The following RPH3A variants were observed in gnomAD, a reference collection of about 807,000 sequenced individuals.
RPH3A encodes rabphilin-3A.
A neutral mutation model predicts 102.2 loss-of-function variants in RPH3A; 48 were observed. The observed-to-expected ratio is 0.47, with a 90% CI of 0.37 to 0.60. RPH3A has a LOEUF of 0.60. Among genes scored for constraint, RPH3A ranks in the 20% least tolerant of loss-of-function variants. RPH3A has a pLI of 0.00. For missense variants in RPH3A, 781 were observed against 910.1 expected (o/e 0.86, Z 1.83); for synonymous variants, 310 against 324.3 (o/e 0.96, Z 0.47).
upstream of RPH3A, among the ~76,000 whole-genome samples, chr12:112,788,439 T>A (rs2136082019): frequency 6.6e-6 from 1 of 152,268 alleles, no homozygotes; most frequent in African/African-American, 2.4e-5. Flanking sequence ...GACAGGGTCA[T>A]GAAAACACAG....
intron 2 of RPH3A, among the ~76,000 whole-genome samples, chr12:112,813,946 T>TTG (rs112069714): frequency 0.16 from 24,289 of 148,590 alleles, 2,636 homozygotes; most frequent in African/African-American, 0.32. Context: ...GTTTGTATGA[T>TTG]TGTGTGTGTG....
At chr12:112,880,584 T>C (rs912682785) in intron 14 of RPH3A, among the ~76,000 whole-genome samples, 3 of 152,060 alleles carry the variant, frequency 2.0e-5, no homozygotes, top group Non-Finnish European at 4.4e-5. Context: ...GCCAGCCCCA[T>C]TGAACAAGTG....
intron 1 of RPH3A, among the ~76,000 whole-genome samples, chr12:112,668,982 A>T (rs761223955): frequency 3.9e-5 from 6 of 152,214 alleles, no homozygotes; most frequent in Non-Finnish European, 8.8e-5. Flanking sequence ...CTACAGCTTC[A>T]TGAGCAATGA....
chr12:112,595,996 A>G (rs747410383), intron 1 of RPH3A, among the ~76,000 whole-genome samples: 8 of 152,184 alleles, frequency 5.3e-5, no homozygotes, highest in Non-Finnish European at 1.2e-4. Flanking sequence ...TCCATAGACC[A>G]TGACACATCT....
At chr12:112,814,972 G>A (rs1593034097) in intron 2 of RPH3A, among the ~76,000 whole-genome samples, 2 of 152,176 alleles carry the variant, frequency 1.3e-5, no homozygotes, top group South Asian at 2.1e-4. Flanking sequence ...AGTCCTTAAC[G>A]TCTCTAGGCT....
chr12:112,618,603 CAT>C (rs1185108648), intron 1 of RPH3A, among the ~76,000 whole-genome samples: 1 of 152,184 alleles, frequency 6.6e-6, no homozygotes, highest in African/African-American at 2.4e-5. Flanking sequence ...CGTAGAGACT[CAT>C]ACATGTAATT....
chr12:112,891,326 C>T (rs950731031), intron 19 of RPH3A: 2 of 278,208 alleles, frequency 7.2e-6, no homozygotes, highest in Non-Finnish European at 6.9e-6. Context: ...GCACACCCCT[C>T]GGACCGCTCA....
At chr12:112,696,835 G>C (rs1348646025) in intron 1 of RPH3A, among the ~76,000 whole-genome samples, 8 of 151,928 alleles carry the variant, frequency 5.3e-5, no homozygotes, top group Admixed American at 5.2e-4. Flanking sequence ...CAAATAATTT[G>C]CCTAGGAGAT....
chr12:112,766,190 G>T (rs115315156), intron 1 of RPH3A, among the ~76,000 whole-genome samples: 2 of 152,122 alleles, frequency 1.3e-5, no homozygotes, highest in East Asian at 3.8e-4. Context: ...CCACTTCCTA[G>T]CTGTGTGAAG....
Position 112,834,381 on chromosome 12 carries a change from G to A in RPH3A, c.72-2110G>A, listed in dbSNP as rs57244919. On this transcript the variant is annotated intron_variant, in intron 3 of 21. Coordinates refer to ENST00000389385, the MANE Select transcript of RPH3A (RefSeq NM_001143854.2). ...CCACAGTTCATTTACTCATTTATCC[G>A]TTGATGGACCATGGGTTTGGGCTAG... Among the ~76,000 whole-genome samples the A allele has an allele frequency of 3.2e-4, 48 of 152,218 alleles. 1 individual carries two copies. The East Asian group carries it at 6.4e-3, about 20-fold the overall frequency.
intron 1 of RPH3A, among the ~76,000 whole-genome samples, chr12:112,724,823 G>A (rs1027437499): frequency 2.6e-5 from 4 of 152,082 alleles, no homozygotes; most frequent in African/African-American, 9.7e-5. Flanking sequence ...ACAAAAATTA[G>A]CCAGGCGTGG....
chr12:112,642,236 AT>A (rs1418910368), intron 1 of RPH3A, among the ~76,000 whole-genome samples: 1 of 152,160 alleles, frequency 6.6e-6, no homozygotes, highest in South Asian at 2.1e-4. Context: ...CATGTTTACT[AT>A]TTTTTCCAAT....
At chr12:112,614,067 A>G (rs2039659016) in intron 1 of RPH3A, among the ~76,000 whole-genome samples, 1 of 152,208 alleles carries the variant, frequency 6.6e-6, no homozygotes, top group South Asian at 2.1e-4. Context: ...AACCACTACA[A>G]GCTGAAAAAG....
intron 1 of RPH3A, among the ~76,000 whole-genome samples, chr12:112,619,139 A>G (rs2039702351): frequency 6.6e-6 from 1 of 152,072 alleles, no homozygotes; most frequent in Admixed American, 6.6e-5. Context: ...CTTTTTGGCT[A>G]TTATAAATAA....
intron 1 of RPH3A, among the ~76,000 whole-genome samples, chr12:112,684,533 A>G (rs528049759): frequency 1.8e-4 from 27 of 152,102 alleles, no homozygotes; most frequent in African/African-American, 6.5e-4. Flanking sequence ...CTCCCAAGGT[A>G]CTGGAGTTAC....
chr12:112,652,109 A>T (rs886628919), intron 1 of RPH3A, among the ~76,000 whole-genome samples: 1 of 152,192 alleles, frequency 6.6e-6, no homozygotes, highest in African/African-American at 2.4e-5. Context: ...TTTTGAGTAC[A>T]TACCTAGGAG....
intron 1 of RPH3A, among the ~76,000 whole-genome samples, chr12:112,742,893 T>G (rs1189564103): frequency 6.6e-6 from 1 of 152,218 alleles, no homozygotes; most frequent in Non-Finnish European, 1.5e-5. Context: ...GGCAGGGCTG[T>G]GTTCCTCCTG....
intron 1 of RPH3A, among the ~76,000 whole-genome samples, chr12:112,588,284 A>G (rs773999578): frequency 2.0e-5 from 3 of 152,226 alleles, no homozygotes; most frequent in Non-Finnish European, 2.9e-5. Flanking sequence ...AGACTGAGTT[A>G]TTTATAAATG....
Position 112,712,882 on chromosome 12 carries a change from C to T in RPH3A, c.-139-79261C>T, listed in dbSNP as rs563311717. On this transcript the variant is annotated intron_variant, in intron 1 of 21. Coordinates refer to the RPH3A transcript ENST00000543106. Reference sequence around the variant, plus strand: ...CACCACACCCAGCTCACTTTTTTTTCTTCTTCTTCTTCTTCTTCTTCCTCT... The same window carrying T: ...CACCACACCCAGCTCACTTTTTTTTTTTCTTCTTCTTCTTCTTCTTCCTCT... Among the ~76,000 whole-genome samples the T allele has an allele frequency of 6.9e-3, 894 of 130,180 alleles. 14 individuals carry two copies. Among genetic ancestry groups the T allele is most frequent in the African/African-American group, 0.028 (770 of 27,978 alleles). 85.4% of individuals were successfully genotyped at this position (130,180 alleles called of 152,430 possible).
Sources: allele counts gnomAD v4.1 joint callset (sites outside exome capture counted in the v4.1 genomes callset), GRCh38; gene constraint gnomAD v4.1.1; transcripts MANE v1.5; gene names NCBI Gene and HGNC (gene_info 2026-07-23, HGNC 2026-07-21).